MAGI2: variants seen among roughly 807,000 people sequenced by gnomAD.
MAGI2 encodes membrane associated guanylate kinase, WW and PDZ domain containing 2.
A neutral mutation model predicts 133.3 loss-of-function variants in MAGI2; 35 were observed. The ratio of observed to expected loss-of-function variants is 0.26; its 90% CI spans 0.20 to 0.35. MAGI2 has a LOEUF of 0.35. Ranked by LOEUF, MAGI2 falls within the 10% of genes least tolerant of loss-of-function variation. The pLI is 1.00. For synonymous variants in MAGI2, 729 were observed against 710.6 expected (o/e 1.03, Z -0.41); for missense variants, 1,636 against 1,863.4 (o/e 0.88, Z 2.25).
chr7:78,963,823 C>G (rs376723854), intron 2 of MAGI2, among the ~76,000 whole-genome samples: 1 of 151,682 alleles, frequency 6.6e-6, no homozygotes, highest in African/African-American at 2.4e-5. Flanking sequence ...GGTGTTGGCT[C>G]GGTTCCTAAT....
chr7:78,322,848 G>T (rs188428521), intron 9 of MAGI2, among the ~76,000 whole-genome samples: 15 of 152,202 alleles, frequency 9.9e-5, no homozygotes, highest in Admixed American at 6.5e-4. Flanking sequence ...GTCTTAAGTT[G>T]TCCTGTCTTT....
intron 2 of MAGI2, among the ~76,000 whole-genome samples, chr7:78,720,797 C>T (rs1820191528): frequency 6.6e-6 from 1 of 152,082 alleles, no homozygotes; most frequent in Non-Finnish European, 1.5e-5. Context: ...AAATAATCAA[C>T]TTTTATTTCT....
At chr7:79,294,482 T>A (rs963029533) in intron 1 of MAGI2, among the ~76,000 whole-genome samples, 1 of 151,972 alleles carries the variant, frequency 6.6e-6, no homozygotes, top group East Asian at 2.0e-4. Flanking sequence ...CAGCACAAAC[T>A]TTCCATGGGT....
intron 9 of MAGI2, among the ~76,000 whole-genome samples, chr7:78,299,033 T>G (rs959085958): frequency 6.8e-6 from 1 of 147,152 alleles, no homozygotes; most frequent in African/African-American, 2.5e-5. Context: ...GTCAGGCTGG[T>G]CTTGAAACTC....
chr7:79,399,079 C>CTTTTCTTTTTTTTTTTTTTTTTTTTTTT (rs1585840184), intron 1 of MAGI2, among the ~76,000 whole-genome samples: 1 of 114,612 alleles, frequency 8.7e-6, no homozygotes, highest in Admixed American at 8.9e-5. Flanking sequence ...AGTATTATTT[C>CTTTTCTTTTTTTTTTTTTTTTTTTTTTT]TTTTTTTTTT....
chr7:78,596,330 T>C (rs1343366955), intron 3 of MAGI2, among the ~76,000 whole-genome samples: 1 of 152,058 alleles, frequency 6.6e-6, no homozygotes, highest in Non-Finnish European at 1.5e-5. Flanking sequence ...TGAAGTGTAG[T>C]TCCTTTTTAT....
At chr7:78,558,611 G>A (rs1475762107) in intron 3 of MAGI2, among the ~76,000 whole-genome samples, 1 of 152,094 alleles carries the variant, frequency 6.6e-6, no homozygotes, top group African/African-American at 2.4e-5. Context: ...CAAAATGTAG[G>A]TTCTGTGATA....
At chr7:78,045,594 T>C (rs1243491721) in intron 21 of MAGI2, among the ~76,000 whole-genome samples, 1 of 152,182 alleles carries the variant, frequency 6.6e-6, no homozygotes, top group Non-Finnish European at 1.5e-5. Flanking sequence ...AAAAAGAAGC[T>C]GAATAATGAT....
intron 6 of MAGI2, among the ~76,000 whole-genome samples, chr7:78,465,757 G>C (rs1159525645): frequency 6.6e-6 from 1 of 152,064 alleles, no homozygotes; most frequent in Non-Finnish European, 1.5e-5. Context: ...TAACTTTCAG[G>C]GTTAAAATAT....
chr7:79,430,056 G>T (rs1040953684), intron 1 of MAGI2, among the ~76,000 whole-genome samples: 1 of 151,996 alleles, frequency 6.6e-6, no homozygotes, highest in African/African-American at 2.4e-5. Context: ...CAAAATGGAA[G>T]AAAATAATAT....
chr7:78,502,522 TAGAG>T (rs941989581), intron 4 of MAGI2, among the ~76,000 whole-genome samples: 3 of 152,178 alleles, frequency 2.0e-5, no homozygotes, highest in Admixed American at 1.3e-4. Flanking sequence ...TACAGTAAGA[TAGAG>T]AGAGAGAAAG....
chr7:78,709,845 G>C (rs868298585), intron 2 of MAGI2, among the ~76,000 whole-genome samples: 3 of 152,058 alleles, frequency 2.0e-5, no homozygotes, highest in African/African-American at 7.2e-5. Flanking sequence ...TATGTTTGTA[G>C]GATCACAGAT....
intron 1 of MAGI2, among the ~76,000 whole-genome samples, chr7:79,407,812 AC>A (rs904175613): frequency 4.0e-5 from 6 of 151,852 alleles, no homozygotes; most frequent in Admixed American, 1.3e-4. Context: ...GAAAAAAAAA[AC>A]ATTTGACACA....
At chr7:78,511,159 A>G (rs1477900254) in intron 4 of MAGI2, among the ~76,000 whole-genome samples, 1 of 152,232 alleles carries the variant, frequency 6.6e-6, no homozygotes, top group Non-Finnish European at 1.5e-5. Flanking sequence ...TTGTAAATAA[A>G]TCAACACTTC....
intron 20 of MAGI2, among the ~76,000 whole-genome samples, chr7:78,118,391 C>T (rs1351700739): frequency 1.3e-5 from 2 of 152,084 alleles, no homozygotes; most frequent in East Asian, 1.9e-4. Context: ...CTGCAAAAGA[C>T]ACTGTCAAGA....
chr7:78,746,052 C>T (rs1195388313), intron 2 of MAGI2, among the ~76,000 whole-genome samples: 1 of 152,184 alleles, frequency 6.6e-6, no homozygotes, highest in Non-Finnish European at 1.5e-5. Context: ...AACCAGCCAC[C>T]ATCCAAAACT....
intron 2 of MAGI2, among the ~76,000 whole-genome samples, chr7:78,882,755 C>G (rs560858793): frequency 3.1e-4 from 47 of 151,936 alleles, no homozygotes; most frequent in South Asian, 2.1e-4. Flanking sequence ...AAAAACAACA[C>G]CCATATGTTC....
At chr7:78,144,585 A>T (rs902745569) in intron 16 of MAGI2, among the ~76,000 whole-genome samples, 11 of 151,984 alleles carry the variant, frequency 7.2e-5, no homozygotes, top group Non-Finnish European at 4.4e-5. Flanking sequence ...TCCTCACATC[A>T]TTAATTGCTT....
rs1333972753 is a variant in MAGI2, at chr7:78,490,298, G to A, written c.966-458C>T. On this transcript the variant is annotated intron_variant, in intron 5 of 21. Transcript: ENST00000354212. ...CTGGCAGAGGCAGTACAAAAGTGAT[G>A]CAGATTATAGCATGTTCTTGGGATT... Among the ~76,000 whole-genome samples the A allele has an allele frequency of 3.3e-5, 5 of 152,178 alleles. No individual in the cohort carries two copies. In the South Asian group the frequency reaches 8.3e-4, roughly 25 times the overall value.
Sources: allele counts gnomAD v4.1 joint callset (sites outside exome capture counted in the v4.1 genomes callset), GRCh38; gene constraint gnomAD v4.1.1; transcripts MANE v1.5; gene names NCBI Gene and HGNC (gene_info 2026-07-23, HGNC 2026-07-21).